CNGB1: variants seen among roughly 807,000 people sequenced by gnomAD.
The protein encoded by CNGB1 is cyclic nucleotide-gated channel beta-1.
Under a neutral mutation model 151.7 loss-of-function variants are expected in CNGB1, and 126 were observed. The ratio of observed to expected loss-of-function variants is 0.83; its 90% CI spans 0.72 to 0.96. CNGB1 has a LOEUF of 0.96. Ranked by LOEUF, CNGB1 falls within the 40% of genes least tolerant of loss-of-function variation. The pLI, the probability that CNGB1 is intolerant of heterozygous loss-of-function variation, is 0.00. For synonymous variants in CNGB1, 623 were observed against 635.1 expected (o/e 0.98, Z 0.29); for missense variants, 1,698 against 1,627.0 (o/e 1.04, Z -0.75).
Position 57,949,348 on chromosome 16 carries a change from C to G in CNGB1, c.1121+5G>C. ...CGTTCCCAGACAGGTGAGCAAATGA[C>G]TTACTCAGTCACCTCCTCCTCTTCC... On this transcript the variant is annotated splice_donor_5th_base_variant and intron_variant, in intron 14 of 32. Coordinates refer to ENST00000251102, the MANE Select transcript of CNGB1 (RefSeq NM_001297.5). The G allele has an allele frequency of 1.2e-6, 2 of 1,609,536 alleles. No individual in the cohort carries two copies. Among genetic ancestry groups the G allele is most frequent in the Non-Finnish European group, 1.7e-6 (2 of 1,179,992 alleles).
chr16:57,912,961 C>T lies in CNGB1; in HGVS notation c.2338G>A (p.Glu780Lys). The T allele has an allele frequency of 6.2e-7, 1 of 1,613,988 alleles. No homozygotes were observed. The highest frequency in any genetic ancestry group is 8.5e-7 in the Non-Finnish European group (1 of 1,179,938). The change falls in exon 24 of 33, where the codon GAA (glutamate) becomes AAA (lysine). Residue 780 changes from glutamate to lysine, a missense_variant. Coordinates refer to ENST00000251102, the MANE Select transcript of CNGB1 (RefSeq NM_001297.5). ...ACGTAGGCTTTGCTGAGGATGGATT[C>T]CAGGCGGCTGTTAAACTCGAAGAAG... is the stretch of plus-strand genomic sequence containing the variant. ...MAFFEFNSRL[E>K]SILSKAYVYR...
intron 14 of CNGB1, among the ~76,000 whole-genome samples, chr16:57,944,884 G>A (rs1024023166): frequency 4.8e-5 from 7 of 145,660 alleles, no homozygotes; most frequent in Admixed American, 4.2e-4. Flanking sequence ...AACCCAGGAG[G>A]CAGAGATTGC....
chr16:57,941,936 C>T (rs1567388440), intron 14 of CNGB1, among the ~76,000 whole-genome samples: 1 of 152,184 alleles, frequency 6.6e-6, no homozygotes, highest in Non-Finnish European at 1.5e-5. Flanking sequence ...ACTACAGCCT[C>T]AACCTCCCAG....
At chr16:57,892,082 A>C (rs1446750795) in intron 31 of CNGB1, among the ~76,000 whole-genome samples, 2 of 151,998 alleles carry the variant, frequency 1.3e-5, no homozygotes, top group Non-Finnish European at 2.9e-5. Context: ...CAAAAAAAAA[A>C]AAAAAAAAGA....
At chr16:57,897,088 C>T (rs1175325083) in intron 31 of CNGB1, among the ~76,000 whole-genome samples, 1 of 151,888 alleles carries the variant, frequency 6.6e-6, no homozygotes, top group Non-Finnish European at 1.5e-5. Context: ...TCATGTGAGC[C>T]CAGGAGTTTG....
chr16:57,897,714 G>C, intron 30 of CNGB1, 82 bp downstream of exon 30: 1 of 1,539,260 alleles, frequency 6.5e-7, no homozygotes, highest in Non-Finnish European at 9.0e-7. Flanking sequence ...CTACCAAGCC[G>C]TAGACACTCG....
chr16:57,938,944 A>T (rs1961585222), intron 16 of CNGB1, among the ~76,000 whole-genome samples: 1 of 152,198 alleles, frequency 6.6e-6, no homozygotes. Context: ...TCATAAAGAG[A>T]CATGGAGTCC....
rs375820781 is a variant in CNGB1 at position 57,941,276 on chromosome 16, A to C, written c.1122-955T>G. On this transcript the variant is annotated intron_variant, in intron 14 of 32. Coordinates refer to ENST00000251102, the MANE Select transcript of CNGB1 (RefSeq NM_001297.5). ...TCCTGCTTCCTAACACCCCCTCCCC[A>C]CCCCTCAGACTCCTGTCATCCAGGG... Among the ~76,000 whole-genome samples the C allele has an allele frequency of 5.9e-5, 9 of 151,952 alleles. No homozygotes were observed. The East Asian group carries it at 1.4e-3, about 23-fold the overall frequency.
intron 24 of CNGB1, 79 bp downstream of exon 24, chr16:57,912,851 T>TTG (rs1226558740): frequency 1.4e-6 from 2 of 1,382,614 alleles, no homozygotes; most frequent in African/African-American, 2.8e-5. Context: ...GTCATCTGTG[T>TTG]TGTGTGTGTA....
chr16:57,958,875 AG>A (rs1962161194), intron 10 of CNGB1, among the ~76,000 whole-genome samples: 1 of 149,564 alleles, frequency 6.7e-6, no homozygotes, highest in African/African-American at 2.5e-5. Flanking sequence ...CTCCTGTCTC[AG>A]CCCCCTGAGT....
chr16:57,903,736 G>A, intron 27 of CNGB1, 86 bp downstream of exon 27: 1 of 1,496,204 alleles, frequency 6.7e-7, no homozygotes, highest in Admixed American at 1.7e-5. Context: ...CAGAGGACGA[G>A]GGAGGCGCCC....
rs202053550 is a variant in CNGB1, at chr16:57,962,981, G to T, written c.374C>A (p.Pro125Gln). Residue 125 changes from proline (P) to glutamine (Q), a missense_variant, in exon 5 of 33, where the codon CCG (proline) becomes CAG (glutamine). By Grantham distance (76) the Pro-to-Gln change is moderately conservative (BLOSUM62 -1). Transcript: ENST00000251102. ...CTCCAGCCCCAGCAGTACCTGAGCC[G>T]GGTCCTCCGTGATGCTGTGAACAGG... The part of the protein sequence containing the change: ...PQPVHSITED[P>Q]AQILGHGSTG... The T allele has an allele frequency of 1.2e-6, 2 of 1,613,072 alleles. No homozygotes were observed. Among genetic ancestry groups the T allele is most frequent in the African/African-American group, 1.3e-5 (1 of 74,892 alleles).
intron 20 of CNGB1, among the ~76,000 whole-genome samples, chr16:57,917,892 TATAAG>T (rs1285511231): frequency 6.6e-6 from 1 of 152,078 alleles, no homozygotes; most frequent in East Asian, 1.9e-4. Flanking sequence ...ATGCTGGTAT[TATAAG>T]ATAATAGGCA....
At chr16:57,885,598 C>CTCTCT (rs1959907552) in intron 32 of CNGB1, among the ~76,000 whole-genome samples, 1 of 138,146 alleles carries the variant, frequency 7.2e-6, no homozygotes, top group Admixed American at 7.5e-5. Flanking sequence ...TTCTTTCTTT[C>CTCTCT]TTTCTTTCTT....
At chr16:57,902,444 A>G (rs1233728050) in intron 27 of CNGB1, among the ~76,000 whole-genome samples, 1 of 152,106 alleles carries the variant, frequency 6.6e-6, no homozygotes, top group African/African-American at 2.4e-5. Flanking sequence ...TAAAATTTTT[A>G]AAATACTTTG....
intron 14 of CNGB1, among the ~76,000 whole-genome samples, chr16:57,942,134 G>C (rs1961685641): frequency 6.6e-6 from 1 of 152,006 alleles, no homozygotes; most frequent in African/African-American, 2.4e-5. Context: ...CTCCCACCTT[G>C]GTCTCCCAAA....
intron 3 of CNGB1, 32 bp from the exon 4 acceptor site, chr16:57,964,234 G>A (rs769196960): frequency 6.2e-7 from 1 of 1,608,736 alleles, no homozygotes; most frequent in Admixed American, 1.7e-5. Flanking sequence ...TTCAGATCTA[G>A]GGCCTCAGAC....
chr16:57,931,293 C>G (rs1160388014), intron 17 of CNGB1, among the ~76,000 whole-genome samples: 2 of 151,972 alleles, frequency 1.3e-5, no homozygotes, highest in Non-Finnish European at 2.9e-5. Context: ...GCTGGGATTA[C>G]AGGAGTGAGC....
In CNGB1 at chr16:57,960,483, T is replaced by TG; in HGVS notation, c.581dup (p.Ala195SerfsTer88). 1.2e-6 allele frequency: 2 copies of TG among 1,613,486 alleles called. No homozygotes were observed. The highest frequency in any genetic ancestry group is 1.7e-6 in the Non-Finnish European group (2 of 1,179,760). ...CCTCCCGAGCTCCCCTCCCTGTACC[T>TG]GGGTCTGAGGCAGCACCTGTAGCAA... is the stretch of plus-strand genomic sequence containing the variant. On this transcript the variant is annotated frameshift_variant and splice_region_variant, in exon 9 of 33. Transcript: ENST00000251102. LOFTEE classifies it high-confidence loss of function.
Sources: gnomAD v4.1 joint callset for allele counts (sites outside exome capture counted in the v4.1 genomes callset) on GRCh38, gnomAD v4.1.1 for gene constraint, MANE v1.5 for transcripts, NCBI Gene and HGNC (gene_info 2026-07-23, HGNC 2026-07-21) for gene names.